Variants in OPCML observed in about 807,000 individuals in gnomAD.
OPCML encodes the protein opioid-binding protein/cell adhesion molecule.
In OPCML, 13 loss-of-function variants were observed where a neutral mutation model predicts 37.8. That is an observed-to-expected ratio of 0.34 (90% confidence interval 0.22 to 0.55). The LOEUF (loss-of-function observed/expected upper bound fraction) is 0.55. OPCML is among the 20% of genes least tolerant of loss of function. The probability of loss-of-function intolerance (pLI) is 0.91; values close to 1 mark genes in which losing one functional copy is unlikely to be tolerated. For synonymous variants in OPCML, 176 were observed against 168.8 expected (o/e 1.04, Z -0.33); for missense variants, 341 against 435.6 (o/e 0.78, Z 1.93).
At chr11:132,947,821 GA>G (rs1462868635) in intron 1 of OPCML, among the ~76,000 whole-genome samples, 1 of 152,146 alleles carries the variant, frequency 6.6e-6, no homozygotes, top group African/African-American at 2.4e-5. Flanking sequence ...TCCCTTATCA[GA>G]AATGCTTGAG....
In OPCML at chr11:132,686,402, GAGAACTCACTGC is replaced by G. The variant is rs1297127486; in HGVS notation, c.147-29095_147-29084del. 3.3e-5 allele frequency among the ~76,000 whole-genome samples: 5 copies of G among 152,208 alleles called. No homozygotes were observed. In the East Asian group the frequency reaches 7.7e-4, roughly 23 times the overall value. On this transcript the variant is annotated intron_variant, in intron 2 of 7. Transcript: ENST00000524381. ...TCCTCAAGAACTACCAAGGAAGATG[GAGAACTCACTGC>G]AGTCTACAGAAACTGACTGTATATT...
chr11:132,702,448 T>C (rs2135926411), intron 2 of OPCML, among the ~76,000 whole-genome samples: 1 of 152,308 alleles, frequency 6.6e-6, no homozygotes, highest in South Asian at 2.1e-4. Context: ...GGGTTTCCAT[T>C]GTATGTAACC....
chr11:133,003,789 C>T (rs1359853572), intron 1 of OPCML: 1 of 985,300 alleles, frequency 1.0e-6, no homozygotes, highest in African/African-American at 1.7e-5. Context: ...CCAGAGTGTT[C>T]TTTGTGCTGG....
chr11:133,355,298 T>G (rs780911194), intron 1 of OPCML, among the ~76,000 whole-genome samples: 5 of 152,232 alleles, frequency 3.3e-5, no homozygotes, highest in Non-Finnish European at 7.3e-5. Flanking sequence ...TAGCACTTCC[T>G]GTTTCTCAGT....
intron 1 of OPCML, among the ~76,000 whole-genome samples, chr11:133,043,852 C>T (rs1162421517): frequency 6.6e-6 from 1 of 152,126 alleles, no homozygotes; most frequent in Non-Finnish European, 1.5e-5. Context: ...GGAGTATATC[C>T]AAGAGGGAAT....
At chr11:133,439,243 A>T (rs1424803132) in intron 1 of OPCML, 1 of 973,392 alleles carries the variant, frequency 1.0e-6, no homozygotes, top group Non-Finnish European at 1.2e-6. Flanking sequence ...CAGCGTCACA[A>T]TTGAGTTGAA....
chr11:132,677,507 T>G (rs993935324), intron 2 of OPCML, among the ~76,000 whole-genome samples: 1 of 152,106 alleles, frequency 6.6e-6, no homozygotes, highest in African/African-American at 2.4e-5. Flanking sequence ...CTTCAAGAAT[T>G]ACTATAAAGC....
At chr11:132,689,971 T>C (rs1205741009) in intron 2 of OPCML, among the ~76,000 whole-genome samples, 1 of 152,184 alleles carries the variant, frequency 6.6e-6, no homozygotes, top group African/African-American at 2.4e-5. Flanking sequence ...ATGACTTACT[T>C]TATGTATGTA....
intron 3 of OPCML, among the ~76,000 whole-genome samples, chr11:132,556,766 T>C (rs903935380): frequency 6.6e-6 from 1 of 152,290 alleles, no homozygotes; most frequent in Non-Finnish European, 1.5e-5. Context: ...ATGGCTGTTA[T>C]AGCCTCCACT....
intron 1 of OPCML, among the ~76,000 whole-genome samples, chr11:133,091,441 A>G (rs986018313): frequency 1.3e-5 from 2 of 152,112 alleles, no homozygotes; most frequent in African/African-American, 4.8e-5. Context: ...ACAGTCACGC[A>G]CCTCTTCAAT....
rs758989654 is a variant in OPCML, at chr11:132,436,830, CAG to C, written c.644-53_644-52del. The C allele has an allele frequency of 6.3e-6, 10 of 1,585,108 alleles. No individual in the cohort carries two copies. The East Asian group carries it at 1.8e-4, about 29-fold the overall frequency. Reference sequence around the variant, plus strand: ...GCACAGGCATGCACGCACGCACACACAGAGTGATTTCGTGAAAGAGATGAAGG... The same window carrying C: ...GCACAGGCATGCACGCACGCACACACAGTGATTTCGTGAAAGAGATGAAGG... On this transcript the variant is annotated intron_variant, in intron 5 of 7. Coordinates refer to ENST00000524381, the MANE Select transcript of OPCML (RefSeq NM_001012393.5).
intron 1 of OPCML, among the ~76,000 whole-genome samples, chr11:133,334,012 G>A (rs1943685034): frequency 6.6e-6 from 1 of 152,184 alleles, no homozygotes; most frequent in South Asian, 2.1e-4. Context: ...GTGAGGTTGT[G>A]GAGAAAAGGG....
chr11:132,675,389 C>T lies in OPCML; in HGVS notation c.147-18070G>A, dbSNP rs1172139720. Among the ~76,000 whole-genome samples the T allele has an allele frequency of 2.0e-5, 3 of 151,920 alleles. No individual in the cohort carries two copies. In the East Asian group the frequency reaches 5.8e-4, roughly 29 times the overall value. ...ACACCCTCGCCTCCCCTTTCTTATCCAGGAACACAAACATTTCTATTCAAA... is the reference window on the plus strand; with the variant it reads ...ACACCCTCGCCTCCCCTTTCTTATCTAGGAACACAAACATTTCTATTCAAA... On this transcript the variant is annotated intron_variant, in intron 2 of 7. Coordinates refer to ENST00000524381, the MANE Select transcript of OPCML (RefSeq NM_001012393.5).
chr11:132,517,506 C>G (rs2096282691), intron 4 of OPCML, among the ~76,000 whole-genome samples: 1 of 152,126 alleles, frequency 6.6e-6, no homozygotes, highest in African/African-American at 2.4e-5. Flanking sequence ...AGTATGGAAC[C>G]AGGCTGCTTA....
intron 2 of OPCML, among the ~76,000 whole-genome samples, chr11:132,852,473 A>G (rs2136332530): frequency 6.6e-6 from 1 of 152,158 alleles, no homozygotes; most frequent in South Asian, 2.1e-4. Flanking sequence ...TCCCTTTTTC[A>G]TTGTGTTAAT....
chr11:132,542,988 A>T (rs1452406882), intron 3 of OPCML, among the ~76,000 whole-genome samples: 2 of 152,200 alleles, frequency 1.3e-5, no homozygotes, highest in African/African-American at 4.8e-5. Flanking sequence ...GAAACTCTTT[A>T]TCTTGGGAGG....
chr11:132,650,643 T>C (rs1324922153), intron 3 of OPCML, among the ~76,000 whole-genome samples: 3 of 152,152 alleles, frequency 2.0e-5, no homozygotes, highest in South Asian at 4.1e-4. Flanking sequence ...AAAGTATGCA[T>C]ATGTGCACAT....
At chr11:132,723,829 C>T (rs1944768670) in intron 2 of OPCML, among the ~76,000 whole-genome samples, 1 of 152,156 alleles carries the variant, frequency 6.6e-6, no homozygotes, top group African/African-American at 2.4e-5. Flanking sequence ...GTAGGATGGT[C>T]CTCTAGCCCT....
intron 2 of OPCML, among the ~76,000 whole-genome samples, chr11:132,721,978 T>A (rs1258111051): frequency 8.6e-5 from 10 of 116,834 alleles, no homozygotes; most frequent in Non-Finnish European, 1.3e-4. Context: ...TTTTTTGAGA[T>A]GGAGTCTTGC....
Sources: gnomAD v4.1 joint callset for allele counts (sites outside exome capture counted in the v4.1 genomes callset) on GRCh38, gnomAD v4.1.1 for gene constraint, MANE v1.5 for transcripts, NCBI Gene and HGNC (gene_info 2026-07-23, HGNC 2026-07-21) for gene names.